The following MRPL45 variants were observed in gnomAD, a reference collection of about 807,000 sequenced individuals.
The protein encoded by MRPL45 is mitochondrial ribosomal protein L45.
Under a neutral mutation model 38.1 loss-of-function variants are expected in MRPL45, and 20 were observed. The observed-to-expected ratio is 0.53, with a 90% CI of 0.37 to 0.76. The LOEUF (loss-of-function observed/expected upper bound fraction) is 0.76. Ranked by LOEUF, MRPL45 falls within the 30% of genes least tolerant of loss-of-function variation. MRPL45 has a pLI of 0.00. For synonymous variants in MRPL45, 105 were observed against 128.8 expected (o/e 0.82, Z 1.25); for missense variants, 337 against 395.6 (o/e 0.85, Z 1.26).
rs1450549631 is a variant in MRPL45, at chr17:38,302,817, C to G, written c.362+3349C>G. Among the ~76,000 whole-genome samples the G allele has an allele frequency of 2.7e-5, 4 of 149,408 alleles. No individual in the cohort carries two copies. In the Admixed American group the frequency reaches 2.7e-4, roughly 10 times the overall value. On this transcript the variant is annotated intron_variant, in intron 3 of 7. Transcript: ENST00000613675. ...TCGGCCCACTGCAGCCTCTGCCTCC[C>G]AGGTTCAAGTGATTCTCCTGCCTCA...
chr17:38,301,990 G>A (rs1234267771), intron 3 of MRPL45, among the ~76,000 whole-genome samples: 6 of 151,892 alleles, frequency 4.0e-5, no homozygotes, highest in South Asian at 2.1e-4. Flanking sequence ...GGTGGTGGGC[G>A]CCTGTAGTCC....
intron 5 of MRPL45, among the ~76,000 whole-genome samples, chr17:38,319,874 G>A (rs1597656733): frequency 6.6e-6 from 1 of 152,108 alleles, no homozygotes; most frequent in Non-Finnish European, 1.5e-5. Context: ...AGGCCGAGGC[G>A]GGCGGATCAC....
chr17:38,301,888 C>T (rs1226283636), intron 3 of MRPL45, among the ~76,000 whole-genome samples: 7 of 151,994 alleles, frequency 4.6e-5, no homozygotes, highest in Admixed American at 6.6e-5. Flanking sequence ...GATGACGAGG[C>T]GGGTGGATCA....
chr17:38,299,532 C>T (rs1034896296), intron 3 of MRPL45, 64 bp downstream of exon 3: 2 of 1,398,010 alleles, frequency 1.4e-6, no homozygotes, highest in African/African-American at 1.5e-5. Context: ...TACTTTATCC[C>T]AAAGAGACCT....
chr17:38,308,127 C>G (rs1597649361), intron 4 of MRPL45, among the ~76,000 whole-genome samples: 1 of 152,044 alleles, frequency 6.6e-6, no homozygotes, highest in East Asian at 1.9e-4. Context: ...GCTATGCAAG[C>G]CAGTCATTTT....
Position 38,313,316 on chromosome 17 carries a change from A to ATATATATG in MRPL45, c.462-5364_462-5363insGTATATAT, listed in dbSNP as rs2037136492. Among the ~76,000 whole-genome samples the ATATATATG allele has an allele frequency of 3.0e-3, 6 of 2,008 alleles. 1 individual carries two copies. The highest frequency in any genetic ancestry group is 0.019 in the South Asian group (1 of 54). 1.3% of individuals were successfully genotyped at this position (2,008 alleles called of 152,430 possible). A position where few individuals can be genotyped will look rare whatever the true frequency, so the allele number is the denominator to read the frequency against. ...TTCTATTAAAAAAAAAAAAAAATATATATATATATATATATACATATATAT... is the reference window on the plus strand; with the variant it reads ...TTCTATTAAAAAAAAAAAAAAATATATATATATGTATATATATATATATACATATATAT... On this transcript the variant is annotated intron_variant, in intron 4 of 7. Transcript: ENST00000613675.
chr17:38,319,556 A>G lies in MRPL45; in HGVS notation c.510+821A>G, dbSNP rs565902274. 9.9e-5 allele frequency among the ~76,000 whole-genome samples: 15 copies of G among 152,278 alleles called. 1 individual carries two copies. In the South Asian group the frequency reaches 2.9e-3, roughly 29 times the overall value. On this transcript the variant is annotated intron_variant, in intron 5 of 7. Coordinates refer to ENST00000613675, the MANE Select transcript of MRPL45 (RefSeq NM_032351.6). ...GTTCATTGCTTGTAGCTGAATGACA[A>G]TGTCTTGACACAGACTCTGGTAAGG...
chr17:38,297,232 G>A lies in MRPL45; in HGVS notation c.49G>A (p.Gly17Ser), dbSNP rs760395346. ...GTTCTCTTGTTTATCGAGGTTTTTG[G>A]GCTGGTGGTCTCGGCAGGTGGGTAG... ...QGFSCLSRFL[G>S]WWSRQPVLVT... Residue 17 changes from glycine (G) to serine (S), a missense_variant, in exon 1 of 8, where the codon GGC becomes AGC. Physicochemically the swap from Gly to Ser is moderately conservative, Grantham distance 56. Transcript: ENST00000613675. 1 of 1,614,222 alleles carries A rather than the reference G, an allele frequency of 6.2e-7. No individual in the cohort carries two copies. The highest frequency in any genetic ancestry group is 8.5e-7 in the Non-Finnish European group (1 of 1,180,034).
intron 3 of MRPL45, among the ~76,000 whole-genome samples, chr17:38,299,926 T>G (rs985054804): frequency 6.6e-6 from 1 of 151,026 alleles, no homozygotes; most frequent in Non-Finnish European, 1.5e-5. Context: ...AGTAGAGATG[T>G]GGTTTCTCCA....
At chr17:38,300,755 C>T (rs1248702858) in intron 3 of MRPL45, among the ~76,000 whole-genome samples, 2 of 151,870 alleles carry the variant, frequency 1.3e-5, no homozygotes, top group Non-Finnish European at 2.9e-5. Flanking sequence ...AAAACCAGCC[C>T]GACCAACATG....
chr17:38,322,658 C>G lies in MRPL45; in HGVS notation c.*63C>G. On this transcript the variant is annotated 3_prime_UTR_variant, in exon 8 of 8. Coordinates refer to ENST00000613675, the MANE Select transcript of MRPL45 (RefSeq NM_032351.6). ...AGGCTGCTGGAAGCTTTGAAGTCTC[C>G]CATTCCCCTCATGCTATAAAAAGAA... The G allele has an allele frequency of 8.0e-7, 1 of 1,254,790 alleles. No individual in the cohort carries two copies. The highest frequency in any genetic ancestry group is 1.1e-6 in the Non-Finnish European group (1 of 871,792). The allele number at this position is 1,254,790 out of a possible 1,614,324, so 77.7% of individuals were successfully genotyped here.
chr17:38,316,189 AT>A (rs958916826), intron 4 of MRPL45, among the ~76,000 whole-genome samples: 8 of 150,442 alleles, frequency 5.3e-5, no homozygotes, highest in Non-Finnish European at 8.9e-5. Context: ...GGTTTTGTTC[AT>A]TTTTTTTCCA....
At chr17:38,304,012 AT>A (rs763197815) in intron 3 of MRPL45, among the ~76,000 whole-genome samples, 3 of 151,968 alleles carry the variant, frequency 2.0e-5, no homozygotes, top group Non-Finnish European at 4.4e-5. Context: ...AGTCTATTTC[AT>A]TACTTTGGTG....
At chr17:38,321,301 C>T (rs888657457) in intron 6 of MRPL45, among the ~76,000 whole-genome samples, 1 of 152,214 alleles carries the variant, frequency 6.6e-6, no homozygotes, top group East Asian at 1.9e-4. Flanking sequence ...TTCCCCGTCT[C>T]TCTGCCCCCT....
intron 3 of MRPL45, among the ~76,000 whole-genome samples, chr17:38,305,664 A>G (rs1460525271): frequency 1.6e-5 from 2 of 124,772 alleles, no homozygotes; most frequent in East Asian, 5.2e-4. Flanking sequence ...TTTTTTTGAG[A>G]TGGAGTCTCG....
chr17:38,299,373 T>A lies in MRPL45; in HGVS notation c.267T>A (p.Val89=). ...ACTAGIFDAY[V]PPEGDARISS... is the part of the protein sequence containing the mutation. ...CAGCTGGTATATTTGATGCCTATGT[T>A]CCTCCTGAGGGTGATGCACGCATAT... Residue 89 remains valine (V), a synonymous_variant, in exon 3 of 8, where the codon GTT becomes GTA. Coordinates refer to ENST00000613675, the MANE Select transcript of MRPL45 (RefSeq NM_032351.6). 6.2e-7 allele frequency: 1 copy of A among 1,604,500 alleles called. No individual in the cohort carries two copies. The highest frequency in any genetic ancestry group is 1.1e-5 in the South Asian group (1 of 88,232).
chr17:38,299,774 T>A (rs1447350413), intron 3 of MRPL45, among the ~76,000 whole-genome samples: 1 of 152,000 alleles, frequency 6.6e-6, no homozygotes, highest in Non-Finnish European at 1.5e-5. Flanking sequence ...TTCGCTCTTG[T>A]TGCCCAGACT....
rs530407126 is a variant in MRPL45, at chr17:38,314,180, C to T, written c.462-4507C>T. Among the ~76,000 whole-genome samples, 987 of 151,326 alleles carry T rather than the reference C, an allele frequency of 6.5e-3. 6 individuals carry two copies. Among genetic ancestry groups the T allele is most frequent in the Middle Eastern group, 0.032 (9 of 284 alleles). On this transcript the variant is annotated intron_variant, in intron 4 of 7. Coordinates refer to ENST00000613675, the MANE Select transcript of MRPL45 (RefSeq NM_032351.6). Reference sequence around the variant, plus strand: ...AGTGCAATGGCGTGATCTCGGCTCACCGCAACCTCTGCCTCCTGGGTTCAA... The same window carrying T: ...AGTGCAATGGCGTGATCTCGGCTCATCGCAACCTCTGCCTCCTGGGTTCAA...
chr17:38,306,692 C>G (rs896215932), intron 4 of MRPL45, 61 bp downstream of exon 4: 1 of 1,598,010 alleles, frequency 6.3e-7, no homozygotes. Flanking sequence ...ATTTTAGGCA[C>G]AGTTTTTTTG....
Sources: gnomAD v4.1 joint callset for allele counts (sites outside exome capture counted in the v4.1 genomes callset) on GRCh38, gnomAD v4.1.1 for gene constraint, MANE v1.5 for transcripts, NCBI Gene and HGNC (gene_info 2026-07-23, HGNC 2026-07-21) for gene names.